TPCN1: variants seen among roughly 807,000 people sequenced by gnomAD.
TPCN1 encodes two pore channel protein 1.
A neutral mutation model predicts 108.8 loss-of-function variants in TPCN1; 52 were observed. That is an observed-to-expected ratio of 0.48 (90% CI 0.38 to 0.60). The LOEUF (loss-of-function observed/expected upper bound fraction) is 0.60, where lower values mean the gene tolerates loss of function less well. TPCN1 is among the 20% of genes least tolerant of loss of function. The pLI is 0.00. For synonymous variants in TPCN1, 446 were observed against 433.7 expected (o/e 1.03, Z -0.35); for missense variants, 806 against 1,072.8 (o/e 0.75, Z 3.47).
At chr12:113,225,801 G>A (rs61943583) in intron 1 of TPCN1, among the ~76,000 whole-genome samples, 8,956 of 151,654 alleles carry the variant, frequency 0.059, 360 homozygotes, top group Middle Eastern at 0.073. Context: ...GGATCCGCCC[G>A]CCTCGGCCTC....
At chr12:113,237,480 C>T (rs991147809) in intron 2 of TPCN1, among the ~76,000 whole-genome samples, 5 of 152,180 alleles carry the variant, frequency 3.3e-5, no homozygotes, top group Non-Finnish European at 7.3e-5. Context: ...CCCCAGCCTC[C>T]CCAGTAGCTG....
chr12:113,268,336 A>G lies in TPCN1; in HGVS notation c.528+380A>G, dbSNP rs190474638. On this transcript the variant is annotated intron_variant, in intron 5 of 27. Transcript: ENST00000335509. The surrounding 1 kb of genome is among the most constrained non-coding windows in gnomAD (Gnocchi z 7.3). ...TGTGCCACAGAGAGTGGCATGAGTA[A>G]GAGCACGTCAAGGTGGCATTTTGTA... Among the ~76,000 whole-genome samples the G allele has an allele frequency of 5.4e-3, 827 of 152,326 alleles. 7 individuals carry two copies. Among genetic ancestry groups the G allele is most frequent in the African/African-American group, 0.018 (766 of 41,564 alleles).
At chr12:113,281,174 G>A (rs184510519) in intron 15 of TPCN1, among the ~76,000 whole-genome samples, 2 of 152,086 alleles carry the variant, frequency 1.3e-5, no homozygotes, top group Admixed American at 1.3e-4. Context: ...CTGAGTAGCT[G>A]GGATTACAGG....
Position 113,269,763 on chromosome 12 carries a change from G to T in TPCN1, c.666G>T (p.Leu222=). The T allele has an allele frequency of 6.2e-7, 1 of 1,613,410 alleles. No homozygotes were observed. The highest frequency in any genetic ancestry group is 8.5e-7 in the Non-Finnish European group (1 of 1,179,988). The change falls in exon 7 of 28, where the codon CTG becomes CTT. Residue 222 remains leucine (L), a synonymous_variant. Coordinates refer to ENST00000335509, the MANE Select transcript of TPCN1 (RefSeq NM_017901.6). This position sits in a 1 kb window ranked among gnomAD's most constrained non-coding sequence, Gnocchi z 5.0. ...CRYCGGVRRN[L]RQIFQSLPPF... Reference sequence around the variant, plus strand: ...CTGGCCCATCTCTCCCCAGCAACCTGCGGCAGATCTTCCAGTCCCTGCCGC... The same window carrying T: ...CTGGCCCATCTCTCCCCAGCAACCTTCGGCAGATCTTCCAGTCCCTGCCGC...
intron 10 of TPCN1, 77 bp from the exon 11 acceptor site, chr12:113,276,842 T>A (rs1226193353): frequency 2.1e-6 from 2 of 973,866 alleles, no homozygotes; most frequent in East Asian, 2.4e-5. Flanking sequence ...GCCTAGATGA[T>A]GAACTCATAC....
chr12:113,264,824 G>A (rs1955188992), intron 3 of TPCN1, among the ~76,000 whole-genome samples: 1 of 152,114 alleles, frequency 6.6e-6, no homozygotes, highest in African/African-American at 2.4e-5. Context: ...GTAGCAATAC[G>A]CCACTGTGCA....
At chr12:113,227,564 G>A (rs1282330912) in intron 2 of TPCN1, among the ~76,000 whole-genome samples, 2 of 152,194 alleles carry the variant, frequency 1.3e-5, no homozygotes, top group Non-Finnish European at 1.5e-5. Context: ...AATTTTAAGT[G>A]TGTTTCTGGC....
At chr12:113,246,116 G>C in intron 2 of TPCN1, 1 of 443,576 alleles carries the variant, frequency 2.3e-6, no homozygotes, top group East Asian at 7.1e-5. Flanking sequence ...CTCCTGCTTC[G>C]AGTCAGAGTT....
At chr12:113,282,660 G>A (rs1379252251) in intron 15 of TPCN1, among the ~76,000 whole-genome samples, 11 of 151,860 alleles carry the variant, frequency 7.2e-5, no homozygotes, top group Non-Finnish European at 1.3e-4. Context: ...GGAGGCTGAG[G>A]TGGGAGGATC....
At chr12:113,286,697 T>C (rs1434998516) in intron 18 of TPCN1, among the ~76,000 whole-genome samples, 1 of 152,202 alleles carries the variant, frequency 6.6e-6, no homozygotes, top group Non-Finnish European at 1.5e-5. Flanking sequence ...CCGGGGCTTC[T>C]TTCCTTCTTG....
In TPCN1 at chr12:113,260,385, A is replaced by G; in HGVS notation, c.130A>G (p.Ile44Val). The G allele has an allele frequency of 6.6e-7, 1 of 1,506,768 alleles. No individual in the cohort carries two copies. Among genetic ancestry groups the G allele is most frequent in the Non-Finnish European group, 8.8e-7 (1 of 1,131,836 alleles). 93.3% of individuals were successfully genotyped at this position (1,506,768 alleles called of 1,614,324 possible). A position where few individuals can be genotyped will look rare whatever the true frequency, so the allele number is the denominator to read the frequency against. Residue 44 changes from isoleucine to valine, a missense_variant, in exon 3 of 28, where the codon ATC (isoleucine) becomes GTC (valine). Coordinates refer to ENST00000335509, the MANE Select transcript of TPCN1 (RefSeq NM_017901.6). ...CAATGCAGATGGCGGCAGCTATGCC[A>G]TCCACGACTCCCAGGCCCCCAGTCT... ...LPSKNGGSYA[I>V]HDSQAPSLSS...
At chr12:113,246,230 A>G (rs1954378776) in intron 2 of TPCN1, among the ~76,000 whole-genome samples, 1 of 152,154 alleles carries the variant, frequency 6.6e-6, no homozygotes, top group Non-Finnish European at 1.5e-5. Context: ...GCTGATTGCC[A>G]GGATTCAGGG....
At chr12:113,240,508 A>G (rs1398354673) in intron 2 of TPCN1, among the ~76,000 whole-genome samples, 1 of 152,132 alleles carries the variant, frequency 6.6e-6, no homozygotes, top group Non-Finnish European at 1.5e-5. Context: ...TCAGTATATG[A>G]TTGTCTACAG....
intron 2 of TPCN1, 78 bp downstream of exon 2, chr12:113,227,042 T>C: frequency 8.1e-7 from 1 of 1,238,938 alleles, no homozygotes. Flanking sequence ...CTTTGTGGTC[T>C]GATAGTAGGG....
chr12:113,252,000 C>T (rs1330303028), intron 2 of TPCN1, among the ~76,000 whole-genome samples: 2 of 152,096 alleles, frequency 1.3e-5, no homozygotes, highest in East Asian at 3.9e-4. Context: ...CCTTTCCAGA[C>T]CTGGTGAGTT....
chr12:113,274,017 A>C (rs1253684998), intron 10 of TPCN1, among the ~76,000 whole-genome samples: 4 of 152,220 alleles, frequency 2.6e-5, no homozygotes, highest in Non-Finnish European at 5.9e-5. Flanking sequence ...CCCTGTAGGT[A>C]CAAAGATCCA....
rs2136653530 is a variant in TPCN1, at chr12:113,273,419, C to T, written c.842+129C>T. 7.8e-7 allele frequency: 1 copy of T among 1,285,024 alleles called. No individual in the cohort carries two copies. 79.6% of individuals were successfully genotyped at this position (1,285,024 alleles called of 1,614,324 possible). ...TGGTGCTATTGGGAGACAGGGTTGG[C>T]CCACTGAGCACGGAGCCCAGGGATG... is the stretch of plus-strand genomic sequence containing the variant. On this transcript the variant is annotated intron_variant, in intron 9 of 27. Transcript: ENST00000335509. This position sits in a 1 kb window ranked among gnomAD's most constrained non-coding sequence, Gnocchi z 4.0.
chr12:113,264,491 C>A (rs1179514510), intron 3 of TPCN1, among the ~76,000 whole-genome samples: 1 of 152,034 alleles, frequency 6.6e-6, no homozygotes, highest in Non-Finnish European at 1.5e-5. Context: ...CCAGCCTGGG[C>A]AACATGGTGA....
Position 113,273,419 on chromosome 12 carries a change from C to A in TPCN1, c.842+129C>A. On this transcript the variant is annotated intron_variant, in intron 9 of 27. Coordinates refer to ENST00000335509, the MANE Select transcript of TPCN1 (RefSeq NM_017901.6). This position sits in a 1 kb window ranked among gnomAD's most constrained non-coding sequence, Gnocchi z 4.0. ...TGGTGCTATTGGGAGACAGGGTTGG[C>A]CCACTGAGCACGGAGCCCAGGGATG... 7.8e-7 allele frequency: 1 copy of A among 1,285,024 alleles called. No individual in the cohort carries two copies. The highest frequency in any genetic ancestry group is 1.1e-6 in the Non-Finnish European group (1 of 885,662). 79.6% of individuals were successfully genotyped at this position (1,285,024 alleles called of 1,614,324 possible). A position where few individuals can be genotyped will look rare whatever the true frequency, so the allele number is the denominator to read the frequency against.
Sources: gnomAD v4.1 joint callset for allele counts (sites outside exome capture counted in the v4.1 genomes callset) on GRCh38, gnomAD v4.1.1 for gene constraint, Gnocchi (gnomAD v3.1) non-coding constraint, MANE v1.5 for transcripts, NCBI Gene and HGNC (gene_info 2026-07-23, HGNC 2026-07-21) for gene names.